Variants in TENM2 observed in about 807,000 individuals in gnomAD.
The protein encoded by TENM2 is teneurin transmembrane protein 2, also known as teneurin-2.
In TENM2, 52 loss-of-function variants were observed where a neutral mutation model predicts 245.2. The observed-to-expected ratio is 0.21, with a 90% CI of 0.17 to 0.27. TENM2 has a LOEUF of 0.27. TENM2 is among the 10% of genes least tolerant of loss of function. TENM2 has a pLI of 1.00. For missense variants in TENM2, 3,046 were observed against 3,666.8 expected (o/e 0.83, Z 4.37); for synonymous variants, 1,363 against 1,438.9 (o/e 0.95, Z 1.19).
At position 168,190,321 on chromosome 5, in the gene TENM2, G is replaced by T; in HGVS notation, c.2570-16G>T. The T allele has an allele frequency of 6.2e-7, 1 of 1,608,124 alleles. No homozygotes were observed. Among genetic ancestry groups the T allele is most frequent in the South Asian group, 1.1e-5 (1 of 90,450 alleles). ...CATGAAATCTGCTGACTCTGGCTCTGCCTCTGCCCTTCCAGATGGCCTGGT... is the reference window on the plus strand; with the variant it reads ...CATGAAATCTGCTGACTCTGGCTCTTCCTCTGCCCTTCCAGATGGCCTGGT... On this transcript the variant is annotated splice_polypyrimidine_tract_variant and intron_variant, in intron 13 of 28. Transcript: ENST00000518659.
At chr5:168,166,403 A>T (rs1445460586) in intron 13 of TENM2, among the ~76,000 whole-genome samples, 1 of 152,254 alleles carries the variant, frequency 6.6e-6, no homozygotes, top group Non-Finnish European at 1.5e-5. Context: ...AAACTGAGAT[A>T]GATATAGATA....
At chr5:167,262,289 C>T in the TENM2 span, among the ~76,000 whole-genome samples, 1 of 150,328 alleles carries the variant, frequency 6.7e-6, no homozygotes, top group Non-Finnish European at 1.5e-5. Flanking sequence ...ACCTGGGAGG[C>T]GGAGGTTGCA....
intron 2 of TENM2, among the ~76,000 whole-genome samples, chr5:167,577,340 A>G (rs146458487): frequency 0.014 from 2,067 of 152,276 alleles, 35 homozygotes; most frequent in Non-Finnish European, 0.016. Flanking sequence ...TTCTTACTTT[A>G]AGCCGACCTA....
At chr5:167,180,944 T>C in the TENM2 span, among the ~76,000 whole-genome samples, 1 of 144,818 alleles carries the variant, frequency 6.9e-6, no homozygotes, top group African/African-American at 2.8e-5. Flanking sequence ...GTAGCTTTTA[T>C]TGAAAAAAAA....
At chr5:167,875,856 C>A in intron 2 of TENM2, 130 bp from the exon 5 acceptor site, 1 of 650,728 alleles carries the variant, frequency 1.5e-6, no homozygotes, top group Non-Finnish European at 2.6e-6. Context: ...TAAAAAAGCA[C>A]ATCTGGAGCA....
intron 2 of TENM2, among the ~76,000 whole-genome samples, chr5:167,593,981 G>A (rs1340576394): frequency 6.6e-6 from 1 of 152,152 alleles, no homozygotes; most frequent in Non-Finnish European, 1.5e-5. Flanking sequence ...GATGACTGAG[G>A]TACCTGTCTT....
intron 2 of TENM2, among the ~76,000 whole-genome samples, chr5:167,716,884 ATATTTTATTTTATTTTATTTTATTT>A (rs200661613): frequency 0.045 from 5,940 of 132,164 alleles, 184 homozygotes; most frequent in Middle Eastern, 0.091. Flanking sequence ...GTCTTTTTTT[ATATTTTATTTTATTTTATTTTATTT>A]TATTTTATTT....
chr5:167,462,181 A>AC (rs34703422), intron 2 of TENM2, among the ~76,000 whole-genome samples: 1,639 of 74,918 alleles, frequency 0.022, 100 homozygotes, highest in African/African-American at 0.065. Flanking sequence ...CCTGACCCCC[A>AC]CCCCCCCCCC....
intron 7 of TENM2, among the ~76,000 whole-genome samples, chr5:168,071,654 T>C (rs947552186): frequency 6.6e-6 from 1 of 152,238 alleles, no homozygotes; most frequent in African/African-American, 2.4e-5. Context: ...TTTTTCAATA[T>C]GATAAATCAT....
chr5:168,162,857 T>G, intron 13 of TENM2, 100 bp downstream of exon 15: 1 of 1,347,840 alleles, frequency 7.4e-7, no homozygotes, highest in Non-Finnish European at 1.0e-6. Context: ...CCTGCACTAT[T>G]GTCAAATGTT....
chr5:167,205,546 G>T, the TENM2 span, among the ~76,000 whole-genome samples: 1 of 152,086 alleles, frequency 6.6e-6, no homozygotes, highest in Non-Finnish European at 1.5e-5. Context: ...ATATTGAACT[G>T]CAAGGTGTTA....
chr5:168,189,538 G>A (rs1215397779), intron 13 of TENM2, among the ~76,000 whole-genome samples: 1 of 152,158 alleles, frequency 6.6e-6, no homozygotes, highest in Non-Finnish European at 1.5e-5. Flanking sequence ...GAGTCCTGAG[G>A]GCGTGCAGGA....
chr5:167,418,727 G>A (rs184249063), intron 2 of TENM2, among the ~76,000 whole-genome samples: 2 of 152,234 alleles, frequency 1.3e-5, no homozygotes, highest in East Asian at 1.9e-4. Context: ...AATGTCAAGC[G>A]TGTGTTTGCT....
At chr5:167,428,075 T>A (rs1763985257) in intron 2 of TENM2, among the ~76,000 whole-genome samples, 1 of 152,244 alleles carries the variant, frequency 6.6e-6, no homozygotes, top group Non-Finnish European at 1.5e-5. Context: ...TCCCTCCTTT[T>A]TTTGTCTGTT....
the TENM2 span, among the ~76,000 whole-genome samples, chr5:167,229,795 C>T: frequency 6.6e-6 from 1 of 152,164 alleles, no homozygotes; most frequent in Admixed American, 6.5e-5. Context: ...GGGTGAGCCC[C>T]AGGCTGTCAG....
At chr5:167,859,591 G>C (rs1319094953) in intron 2 of TENM2, among the ~76,000 whole-genome samples, 1 of 109,072 alleles carries the variant, frequency 9.2e-6, no homozygotes, top group African/African-American at 3.8e-5. Context: ...CAGCCGCCCC[G>C]TCCGGGAGGG....
chr5:167,967,081 G>A (rs2151907895), intron 4 of TENM2: 1 of 152,160 alleles, frequency 6.6e-6, no homozygotes, highest in South Asian at 2.1e-4. Flanking sequence ...AGTCTTCCTT[G>A]GAAACTGGCA....
At chr5:168,079,677 A>G (rs1581239331) in intron 7 of TENM2, among the ~76,000 whole-genome samples, 1 of 152,292 alleles carries the variant, frequency 6.6e-6, no homozygotes, top group African/African-American at 2.4e-5. Flanking sequence ...TTCTGCATCT[A>G]TTGAGATAAT....
At chr5:167,190,718 T>C in the TENM2 span, among the ~76,000 whole-genome samples, 1 of 152,066 alleles carries the variant, frequency 6.6e-6, no homozygotes, top group Non-Finnish European at 1.5e-5. Flanking sequence ...GCTTTCTCCT[T>C]TCTATGCTTT....
Sources: gnomAD v4.1 joint callset for allele counts (sites outside exome capture counted in the v4.1 genomes callset) on GRCh38, gnomAD v4.1.1 for gene constraint, MANE v1.5 for transcripts, NCBI Gene and HGNC (gene_info 2026-07-23, HGNC 2026-07-21) for gene names.